Variants in PCDH9 observed in about 807,000 individuals in gnomAD.
PCDH9 encodes the protein protocadherin 9, also known as protocadherin-9.
PCDH9 carries 24 observed loss-of-function variants against 70.6 expected under a neutral mutation model. That is an observed-to-expected ratio of 0.34 (90% CI 0.25 to 0.48). The LOEUF (loss-of-function observed/expected upper bound fraction) is 0.48. Ranked by LOEUF, PCDH9 falls within the 20% of genes least tolerant of loss-of-function variation. The pLI, the probability that PCDH9 is intolerant of heterozygous loss-of-function variation, is 0.99. For missense variants in PCDH9, 1,281 were observed against 1,503.6 expected (o/e 0.85, Z 2.45); for synonymous variants, 562 against 558.5 (o/e 1.01, Z -0.09).
chr13:66,803,987 T>A (rs747707695), intron 3 of PCDH9, among the ~76,000 whole-genome samples: 11 of 152,142 alleles, frequency 7.2e-5, no homozygotes, highest in Non-Finnish European at 1.3e-4. Flanking sequence ...CTAGAACAAC[T>A]CAGCCTTGAG....
intron 4 of PCDH9, among the ~76,000 whole-genome samples, chr13:66,420,349 G>T (rs912009986): frequency 1.5e-4 from 23 of 152,134 alleles, no homozygotes; most frequent in African/African-American, 5.6e-4. Context: ...TCCTCAAGTG[G>T]GTCGCTGACC....
At chr13:67,059,038 C>T (rs935169180) in intron 2 of PCDH9, among the ~76,000 whole-genome samples, 13 of 151,918 alleles carry the variant, frequency 8.6e-5, no homozygotes, top group African/African-American at 2.7e-4. Flanking sequence ...CATAGCTGTT[C>T]CCTGGGAGAG....
intron 3 of PCDH9, among the ~76,000 whole-genome samples, chr13:66,793,159 T>C (rs1216239827): frequency 6.6e-6 from 1 of 151,942 alleles, no homozygotes; most frequent in Admixed American, 6.6e-5. Flanking sequence ...TGCATTCTCA[T>C]ATGATGGTCA....
At chr13:66,721,156 T>C (rs1469829950) in intron 3 of PCDH9, among the ~76,000 whole-genome samples, 1 of 152,212 alleles carries the variant, frequency 6.6e-6, no homozygotes, top group Non-Finnish European at 1.5e-5. Context: ...GTCATGCTGT[T>C]GTTGTACAGG....
chr13:67,116,763 A>G (rs983315897), intron 2 of PCDH9, among the ~76,000 whole-genome samples: 1 of 152,232 alleles, frequency 6.6e-6, no homozygotes, highest in African/African-American at 2.4e-5. Flanking sequence ...GGTGAAGAAG[A>G]TAAGTTGTTA....
intron 3 of PCDH9, among the ~76,000 whole-genome samples, chr13:66,778,963 T>C (rs1466537037): frequency 2.6e-5 from 4 of 152,226 alleles, no homozygotes; most frequent in African/African-American, 7.2e-5. Context: ...TTTCAGTTTC[T>C]TTCACATTTT....
At chr13:67,180,153 G>C (rs2088577920) in intron 2 of PCDH9, among the ~76,000 whole-genome samples, 1 of 152,104 alleles carries the variant, frequency 6.6e-6, no homozygotes, top group South Asian at 2.1e-4. Flanking sequence ...GATATACTGA[G>C]ATGCTTTTCA....
At chr13:66,626,053 C>T (rs1411428134) in intron 4 of PCDH9, among the ~76,000 whole-genome samples, 1 of 151,962 alleles carries the variant, frequency 6.6e-6, no homozygotes, top group African/African-American at 2.4e-5. Flanking sequence ...AGTTGTACAG[C>T]TATCATGAGA....
intron 3 of PCDH9, among the ~76,000 whole-genome samples, chr13:66,802,392 T>C (rs1446573675): frequency 3.3e-5 from 5 of 152,044 alleles, no homozygotes; most frequent in African/African-American, 1.2e-4. Flanking sequence ...ACACTATGCA[T>C]ATTTTTTCAT....
intron 3 of PCDH9, among the ~76,000 whole-genome samples, chr13:66,797,745 C>T (rs1594074364): frequency 6.6e-6 from 1 of 151,784 alleles, no homozygotes; most frequent in East Asian, 1.9e-4. Flanking sequence ...TAAATAAAAA[C>T]ACATATTGCT....
chr13:66,427,524 C>G (rs1475305162), intron 4 of PCDH9, among the ~76,000 whole-genome samples: 1 of 151,698 alleles, frequency 6.6e-6, no homozygotes, highest in African/African-American at 2.4e-5. Context: ...TTGCTCTTGT[C>G]ACAGTCATAA....
At chr13:66,548,024 T>TGTAC (rs1386857367) in intron 4 of PCDH9, among the ~76,000 whole-genome samples, 36 of 150,352 alleles carry the variant, frequency 2.4e-4, no homozygotes, top group African/African-American at 8.6e-4. Context: ...TATGTATGTA[T>TGTAC]GTATGTATGT....
At chr13:66,844,760 A>G (rs1419719210) in intron 3 of PCDH9, among the ~76,000 whole-genome samples, 1 of 152,168 alleles carries the variant, frequency 6.6e-6, no homozygotes, top group Non-Finnish European at 1.5e-5. Context: ...CATGTTTTTG[A>G]AGTAATTTAG....
At chr13:67,027,002 T>C (rs2084795825) in intron 2 of PCDH9, among the ~76,000 whole-genome samples, 1 of 152,170 alleles carries the variant, frequency 6.6e-6, no homozygotes. Flanking sequence ...AGGTAATTTA[T>C]AGAGTCAATG....
At chr13:66,839,906 A>G (rs1360113265) in intron 3 of PCDH9, among the ~76,000 whole-genome samples, 1 of 152,232 alleles carries the variant, frequency 6.6e-6, no homozygotes, top group Non-Finnish European at 1.5e-5. Context: ...GCCATTCATC[A>G]TATTTTCTGA....
intron 4 of PCDH9, among the ~76,000 whole-genome samples, chr13:66,309,287 A>T (rs1955522927): frequency 6.6e-6 from 1 of 151,998 alleles, no homozygotes; most frequent in African/African-American, 2.4e-5. Flanking sequence ...CAGTGTCATA[A>T]ATTGGTAAAA....
chr13:66,805,145 A>C (rs1225037434), intron 3 of PCDH9, among the ~76,000 whole-genome samples: 1 of 152,204 alleles, frequency 6.6e-6, no homozygotes, highest in Non-Finnish European at 1.5e-5. Context: ...ATTCCATGAT[A>C]CTGTACAGAG....
intron 2 of PCDH9, among the ~76,000 whole-genome samples, chr13:67,084,039 T>C (rs776512530): frequency 1.2e-4 from 19 of 152,280 alleles, no homozygotes; most frequent in African/African-American, 4.1e-4. Flanking sequence ...TAGGAAAACC[T>C]TGAGTTTCTT....
intron 2 of PCDH9, among the ~76,000 whole-genome samples, chr13:67,155,689 A>G (rs1399793032): frequency 1.3e-5 from 2 of 152,160 alleles, no homozygotes; most frequent in Non-Finnish European, 2.9e-5. Flanking sequence ...AAGGAAATAT[A>G]GAGAACACTA....
Sources: allele counts gnomAD v4.1 joint callset (sites outside exome capture counted in the v4.1 genomes callset), GRCh38; gene constraint gnomAD v4.1.1; transcripts MANE v1.5; gene names NCBI Gene and HGNC (gene_info 2026-07-23, HGNC 2026-07-21).